PCTP: variants seen among roughly 807,000 people sequenced by gnomAD.
The protein encoded by PCTP is phosphatidylcholine transfer protein.
Under a neutral mutation model 31.0 loss-of-function variants are expected in PCTP, and 27 were observed. The ratio of observed to expected loss-of-function variants is 0.87; its 90% confidence interval spans 0.64 to 1.20. The LOEUF (loss-of-function observed/expected upper bound fraction) is 1.20, where lower values mean the gene tolerates loss of function less well. PCTP is among the 50% of genes most tolerant of loss of function. The pLI, the probability that PCTP is intolerant of heterozygous loss-of-function variation, is 0.00. For missense variants in PCTP, 287 were observed against 268.2 expected, an observed-to-expected ratio of 1.07 and a Z score of -0.49; for synonymous variants, 108 against 101.2, an observed-to-expected ratio of 1.07 and a Z score of -0.40.
intron 3 of PCTP, among the ~76,000 whole-genome samples, chr17:55,805,818 T>C (rs1324253051): frequency 2.0e-5 from 3 of 151,948 alleles, no homozygotes; most frequent in Non-Finnish European, 4.4e-5. Flanking sequence ...GAGAATTTTG[T>C]TTTATTTGGC....
intron 5 of PCTP, among the ~76,000 whole-genome samples, chr17:55,840,244 C>T (rs1905929665): frequency 6.6e-6 from 1 of 152,096 alleles, no homozygotes; most frequent in Non-Finnish European, 1.5e-5. Context: ...GGCTTTCTGG[C>T]TACTTAATGT....
chr17:55,751,121 A>C lies in PCTP; in HGVS notation c.18A>C (p.Gly6=), dbSNP rs748821688. The C allele has an allele frequency of 5.2e-6, 8 of 1,541,898 alleles. No homozygotes were observed. The South Asian group carries it at 6.0e-5, about 12-fold the overall frequency. Residue 6 remains glycine (G), a synonymous_variant, in exon 1 of 6, where the codon GGA becomes GGC. Transcript: ENST00000268896. MELAA[G]SFSEEQFWEA... is the part of the protein sequence containing the mutation. ...GCGGAAGGATGGAGCTGGCCGCCGG[A>C]AGCTTCTCGGAGGAGCAGTTCTGGG...
intron 3 of PCTP, among the ~76,000 whole-genome samples, chr17:55,789,458 G>A (rs544068469): frequency 4.6e-5 from 7 of 152,078 alleles, no homozygotes; most frequent in Admixed American, 2.6e-4. Context: ...AGTTGTAAAC[G>A]CTTTATTGCC....
At chr17:55,768,267 C>T (rs1052733604) in intron 2 of PCTP, among the ~76,000 whole-genome samples, 1 of 152,160 alleles carries the variant, frequency 6.6e-6, no homozygotes, top group Non-Finnish European at 1.5e-5. Context: ...ATCCTCTCCA[C>T]AGTTTGCTCT....
intron 3 of PCTP, among the ~76,000 whole-genome samples, chr17:55,789,758 G>A (rs9911384): frequency 0.38 from 57,162 of 152,058 alleles, 16,671 homozygotes; most frequent in African/African-American, 0.82. Context: ...TTCTGAAACT[G>A]TTCCAATCAG....
intron 2 of PCTP, chr17:55,768,955 G>C (rs1425996560): frequency 6.6e-6 from 1 of 152,220 alleles, no homozygotes; most frequent in Non-Finnish European, 1.5e-5. Context: ...GACAGTGTAA[G>C]AAGAGAAAAA....
At chr17:55,817,748 A>G (rs2145057359) in intron 3 of PCTP, among the ~76,000 whole-genome samples, 1 of 152,382 alleles carries the variant, frequency 6.6e-6, no homozygotes, top group South Asian at 2.1e-4. Flanking sequence ...TTGAAAGAGA[A>G]CAAGAAAATG....
chr17:55,759,279 G>T lies in PCTP; in HGVS notation c.141+8035G>T, dbSNP rs569454678. 4.3e-4 allele frequency among the ~76,000 whole-genome samples: 65 copies of T among 152,268 alleles called. 1 individual carries two copies. Among genetic ancestry groups the T allele is most frequent in the African/African-American group, 1.5e-3 (61 of 41,564 alleles). ...GGGATAATCCATGTAAAAGCACTTG[G>T]ATCAGTGCCTGCTGTTCAGTTAATA... On this transcript the variant is annotated intron_variant, in intron 1 of 5. Transcript: ENST00000268896.
intron 5 of PCTP, among the ~76,000 whole-genome samples, chr17:55,836,192 C>T (rs1035861398): frequency 6.6e-6 from 1 of 152,120 alleles, no homozygotes; most frequent in African/African-American, 2.4e-5. Context: ...CATGTTTACT[C>T]ATAAAAATTC....
intron 2 of PCTP, chr17:55,768,981 A>C (rs1477163530): frequency 6.6e-6 from 1 of 152,246 alleles, no homozygotes; most frequent in Non-Finnish European, 1.5e-5. Context: ...TTATTAGTTC[A>C]TGGCATTGAA....
At chr17:55,801,325 G>T (rs1290747555) in intron 3 of PCTP, among the ~76,000 whole-genome samples, 1 of 152,064 alleles carries the variant, frequency 6.6e-6, no homozygotes, top group East Asian at 1.9e-4. Flanking sequence ...AATTAATAAT[G>T]ATATCCAGGA....
the PCTP span, among the ~76,000 whole-genome samples, chr17:55,851,937 C>A: frequency 1.8e-4 from 23 of 127,470 alleles, 1 homozygote; most frequent in East Asian, 3.1e-3. Context: ...AATCCTGAAG[C>A]TGCTGTGTGT....
At chr17:55,827,998 G>A (rs1365877097), downstream of PCTP, among the ~76,000 whole-genome samples, 1 of 152,166 alleles carries the variant, frequency 6.6e-6, no homozygotes, top group Non-Finnish European at 1.5e-5. Context: ...GTTCAAGGGT[G>A]TATATTAATA....
chr17:55,822,396 T>C (rs955695989), intron 3 of PCTP, among the ~76,000 whole-genome samples: 6 of 152,172 alleles, frequency 3.9e-5, no homozygotes, highest in African/African-American at 1.4e-4. Context: ...CCTTCTCTTC[T>C]TGGACAAAAG....
intron 3 of PCTP, among the ~76,000 whole-genome samples, chr17:55,812,416 G>T (rs1205271129): frequency 1.3e-5 from 2 of 152,202 alleles, no homozygotes; most frequent in African/African-American, 4.8e-5. Flanking sequence ...GTTAGCAAAT[G>T]ATGTGCCAAG....
At chr17:55,811,577 G>A (rs1420984036) in intron 3 of PCTP, among the ~76,000 whole-genome samples, 1 of 152,172 alleles carries the variant, frequency 6.6e-6, no homozygotes, top group Non-Finnish European at 1.5e-5. Context: ...TACAGCACCT[G>A]GCTGGAGAGC....
chr17:55,841,223 A>G (rs970580313), intron 5 of PCTP, among the ~76,000 whole-genome samples: 2 of 152,166 alleles, frequency 1.3e-5, no homozygotes, highest in African/African-American at 4.8e-5. Context: ...CTCTCAAAGT[A>G]CTCTGATTAT....
intron 3 of PCTP, among the ~76,000 whole-genome samples, chr17:55,790,167 G>A (rs1286057648): frequency 1.3e-5 from 2 of 152,086 alleles, no homozygotes; most frequent in East Asian, 1.9e-4. Context: ...AATAATAAGA[G>A]CTATCTGTGA....
At chr17:55,814,098 G>T (rs564717829) in intron 3 of PCTP, among the ~76,000 whole-genome samples, 1 of 151,574 alleles carries the variant, frequency 6.6e-6, no homozygotes, top group African/African-American at 2.4e-5. Flanking sequence ...AATTCAATGC[G>T]TCGATTACAA....
Sources: allele counts gnomAD v4.1 joint callset (sites outside exome capture counted in the v4.1 genomes callset), GRCh38; gene constraint gnomAD v4.1.1; transcripts MANE v1.5; gene names NCBI Gene and HGNC (gene_info 2026-07-23, HGNC 2026-07-21).